LZTS2: variants seen among roughly 807,000 people sequenced by gnomAD.
The protein encoded by LZTS2 is leucine zipper putative tumor suppressor 2.
In LZTS2, 32 loss-of-function variants were observed where a neutral mutation model predicts 60.6. The ratio of observed to expected loss-of-function variants is 0.53; its 90% CI spans 0.40 to 0.71. The LOEUF (loss-of-function observed/expected upper bound fraction) is 0.71, where lower values mean the gene tolerates loss of function less well. Ranked by LOEUF, LZTS2 falls within the 30% of genes least tolerant of loss-of-function variation. The pLI, the probability that LZTS2 is intolerant of heterozygous loss-of-function variation, is 0.00. For synonymous variants in LZTS2, 360 were observed against 393.1 expected, an observed-to-expected ratio of 0.92 and a Z score of 1.00; for missense variants, 792 against 901.9, an observed-to-expected ratio of 0.88 and a Z score of 1.56.
Position 101,006,588 on chromosome 10 carries a change from C to T in LZTS2, c.1430C>T (p.Ala477Val), listed in dbSNP as rs746119827. The stretch of plus-strand genomic sequence containing the variant: ...AGCGAGCTGGTGGCTCTGCGGGTGG[C>T]GCTGCGGGAGGCCCGTGCTACGCTG... Residue 477 changes from alanine (A) to valine (V), a missense_variant, in exon 4 of 4, where the codon GCG becomes GTG. By Grantham distance (64) the Ala-to-Val change is moderately conservative. Coordinates refer to ENST00000370220, the Ensembl canonical transcript of LZTS2. 38 of 1,608,798 alleles carry T rather than the reference C, an allele frequency of 2.4e-5. 1 individual carries two copies. The highest frequency in any genetic ancestry group is 4.0e-5 in the African/African-American group (3 of 74,818).
chr10:101,002,661 G>A (rs774384310), exon 1 of LZTS2: 37 of 1,608,282 alleles, frequency 2.3e-5, no homozygotes, highest in East Asian at 4.5e-5. Flanking sequence ...GTCCCGGGGG[G>A]CCAGCTCCTC....
chr10:101,000,018 C>G (rs1018283332), exon 1 of LZTS2: 2 of 152,650 alleles, frequency 1.3e-5, no homozygotes, highest in South Asian at 3.8e-4. Flanking sequence ...GGAATCCAGC[C>G]GGGGGGACGG....
In LZTS2 at chr10:101,006,666, A is replaced by T. The variant is rs77519802; in HGVS notation, c.1508A>T (p.Glu503Val). 11 of 1,589,088 alleles carry T rather than the reference A, an allele frequency of 6.9e-6. No individual in the cohort carries two copies. In the East Asian group the frequency reaches 2.5e-4, roughly 36 times the overall value. Residue 503 changes from glutamate (E) to valine (V), a missense_variant, in exon 4 of 4, where the codon GAG becomes GTG. Physicochemically the swap from Glu to Val is moderately radical, Grantham distance 121. Coordinates refer to ENST00000370220, the Ensembl canonical transcript of LZTS2. ...CTACAGGAGGCCGCCCGAGCTCGGGAGCTGGAGCTGGAAGCCTGTTCCCAG... is the reference window on the plus strand; with the variant it reads ...CTACAGGAGGCCGCCCGAGCTCGGGTGCTGGAGCTGGAAGCCTGTTCCCAG...
At chr10:101,006,065 G>C (rs1400941175) in intron 3 of LZTS2, among the ~76,000 whole-genome samples, 1 of 152,202 alleles carries the variant, frequency 6.6e-6, no homozygotes, top group Non-Finnish European at 1.5e-5. Flanking sequence ...GGCCCATAAA[G>C]GCTGAAGCCC....
chr10:101,006,657 G>C, exon 4 of LZTS2: 1 of 1,586,916 alleles, frequency 6.3e-7, no homozygotes, highest in South Asian at 1.1e-5. Flanking sequence ...GAGGCCGCCC[G>C]AGCTCGGGAG....
rs748735105 is a variant in LZTS2 at position 101,003,870 on chromosome 10, C to T, written c.772C>T (p.Pro258Ser). The change falls in exon 2 of 4, where the codon CCT becomes TCT. Residue 258 changes from proline to serine, a missense_variant. Physicochemically the swap from Pro to Ser is moderately conservative, Grantham distance 74. Transcript: ENST00000370220. ...CCATGGCTCTGGGCGAGGGGCACTG[C>T]CTGGGCCAGCCCGAGGGGTCCCTAC... 1.9e-6 allele frequency: 3 copies of T among 1,613,042 alleles called. No individual in the cohort carries two copies. In the South Asian group the frequency reaches 3.3e-5, roughly 18 times the overall value.
At chr10:101,003,369 GT>G in intron 1 of LZTS2, 137 bp from the exon 3 acceptor site, 1 of 808,828 alleles carries the variant, frequency 1.2e-6, no homozygotes, top group Non-Finnish European at 1.9e-6. Context: ...GCTGACACTG[GT>G]GGCCACCTCC....
chr10:101,003,978 T>C lies in LZTS2; in HGVS notation c.880T>C (p.Leu294=), dbSNP rs139028688. 1,459 of 1,612,434 alleles carry C rather than the reference T, an allele frequency of 9.0e-4. 18 individuals carry two copies. The highest frequency in any genetic ancestry group is 1.2e-3 in the East Asian group (56 of 44,866). Reference sequence around the variant, plus strand: ...AGGGGGCCGTGTGGCTGGGGGGCTTTTGGGCAGTGGTACTCGGGCCTCCCC... The same window carrying C: ...AGGGGGCCGTGTGGCTGGGGGGCTTCTGGGCAGTGGTACTCGGGCCTCCCC... Residue 294 remains leucine (L), a synonymous_variant, in exon 2 of 4, where the codon TTG becomes CTG. Transcript: ENST00000370220.
intron 3 of LZTS2, 79 bp downstream of exon 4, chr10:101,005,794 C>G: frequency 1.4e-6 from 2 of 1,425,676 alleles, no homozygotes; most frequent in Non-Finnish European, 1.8e-6. Flanking sequence ...CCCACCCTCC[C>G]TCAGCCTGCC....
chr10:101,007,420 C>A (rs1852247663), exon 4 of LZTS2: 1 of 1,438,250 alleles, frequency 7.0e-7, no homozygotes, highest in Non-Finnish European at 9.1e-7. Context: ...CACTTCATTC[C>A]CCACCGCTGC....
At chr10:101,006,652 C>G in exon 4 of LZTS2, 4 of 1,585,340 alleles carry the variant, frequency 2.5e-6, no homozygotes, top group Non-Finnish European at 3.4e-6. Flanking sequence ...TACAGGAGGC[C>G]GCCCGAGCTC....
chr10:101,004,073 G>A, exon 2 of LZTS2: 1 of 1,613,366 alleles, frequency 6.2e-7, no homozygotes, highest in Non-Finnish European at 8.5e-7. Context: ...AGGCCCTGCT[G>A]CACTGTGTCC....
At chr10:101,006,630 G>T in exon 4 of LZTS2, 1 of 1,593,546 alleles carries the variant, frequency 6.3e-7, no homozygotes, top group Non-Finnish European at 8.5e-7. Flanking sequence ...AGTGAGGGCC[G>T]TGCGCGGGGT....
chr10:101,003,178 G>A, intron 1 of LZTS2: 1 of 579,966 alleles, frequency 1.7e-6, no homozygotes. Context: ...ATAGTGCCTA[G>A]CACGTAGCAT....
chr10:100,998,966 T>C (rs1851968968), upstream of LZTS2: 1 of 152,388 alleles, frequency 6.6e-6, no homozygotes, highest in Non-Finnish European at 1.5e-5. Flanking sequence ...AGGGAGACTG[T>C]ATTGTGTGCG....
upstream of LZTS2, among the ~76,000 whole-genome samples, chr10:100,997,477 A>G (rs1851939809): frequency 6.6e-6 from 1 of 152,180 alleles, no homozygotes; most frequent in Non-Finnish European, 1.5e-5. Flanking sequence ...GCACTCGGAA[A>G]GGACGCGCCC....
chr10:101,006,775 G>A (rs150197486), exon 4 of LZTS2: 10 of 1,555,358 alleles, frequency 6.4e-6, no homozygotes, highest in South Asian at 2.4e-5. Context: ...GACTCCGGGA[G>A]CCCCCTGTGC....
chr10:101,005,650 C>T (rs765178422), exon 3 of LZTS2: 3 of 1,609,054 alleles, frequency 1.9e-6, no homozygotes, highest in South Asian at 1.1e-5. Flanking sequence ...GCTGGAGCGG[C>T]GCTGCGCCAC....
At chr10:101,006,389 G>A (rs975391573) in intron 3 of LZTS2, 96 bp from the exon 5 acceptor site, 90 of 1,462,638 alleles carry the variant, frequency 6.2e-5, no homozygotes, top group Non-Finnish European at 7.3e-6. Flanking sequence ...GGATAAAGAT[G>A]GACTCTTCTC....
Sources: allele counts gnomAD v4.1 joint callset (sites outside exome capture counted in the v4.1 genomes callset), GRCh38; gene constraint gnomAD v4.1.1; transcripts MANE v1.5; gene names NCBI Gene and HGNC (gene_info 2026-07-23, HGNC 2026-07-21).